ACOT13: variants seen among roughly 807,000 people sequenced by gnomAD.
The protein encoded by ACOT13 is acyl-CoA thioesterase 13.
Under a neutral mutation model 11.8 loss-of-function variants are expected in ACOT13, and 10 were observed. The observed-to-expected ratio is 0.85, with a 90% CI of 0.53 to 1.44. ACOT13 has a LOEUF of 1.44. Ranked by LOEUF, ACOT13 falls within the 40% of genes most tolerant of loss-of-function variation. The pLI, the probability that ACOT13 is intolerant of heterozygous loss-of-function variation, is 0.00. For missense variants in ACOT13, 172 were observed against 174.1 expected (o/e 0.99, Z 0.07); for synonymous variants, 53 against 61.0 (o/e 0.87, Z 0.61).
At chr6:24,682,572 C>T (rs1396361131) in intron 1 of ACOT13, among the ~76,000 whole-genome samples, 1 of 152,160 alleles carries the variant, frequency 6.6e-6, no homozygotes, top group Non-Finnish European at 1.5e-5. Context: ...AATGGCAAGC[C>T]TTTAGCCTGA....
chr6:24,670,325 C>T (rs950477169), intron 1 of ACOT13, among the ~76,000 whole-genome samples: 8 of 152,192 alleles, frequency 5.3e-5, no homozygotes, highest in Admixed American at 5.2e-4. Context: ...TTTGTACCAT[C>T]AAATACCTAT....
rs756277636 is a variant in ACOT13 at position 24,697,937 on chromosome 6, G to A, written c.136G>A (p.Glu46Lys). The change falls in exon 2 of 3, where the codon GAA (glutamate) becomes AAA (lysine). Residue 46 changes from glutamate to lysine, a missense_variant. Coordinates refer to ENST00000230048, the MANE Select transcript of ACOT13 (RefSeq NM_018473.4). Reference sequence around the variant, plus strand: ...AGTGATTTGTGAAATGAAAGTAGAAGAAGAGCATACCAATGCAATAGGCAC... The same window carrying A: ...AGTGATTTGTGAAATGAAAGTAGAAAAAGAGCATACCAATGCAATAGGCAC... ...GKVICEMKVE[E>K]EHTNAIGTLH... 1 of 1,613,086 alleles carries A rather than the reference G, an allele frequency of 6.2e-7. No individual in the cohort carries two copies. Among genetic ancestry groups the A allele is most frequent in the Non-Finnish European group, 8.5e-7 (1 of 1,179,630 alleles).
chr6:24,694,294 C>T (rs1042410092), intron 1 of ACOT13, among the ~76,000 whole-genome samples: 1 of 152,146 alleles, frequency 6.6e-6, no homozygotes, highest in African/African-American at 2.4e-5. Flanking sequence ...TAAAAGCCTC[C>T]ATACCATCTT....
chr6:24,683,414 G>A (rs1778583409), intron 1 of ACOT13, among the ~76,000 whole-genome samples: 1 of 152,102 alleles, frequency 6.6e-6, no homozygotes, highest in African/African-American at 2.4e-5. Context: ...GCAAATGCCT[G>A]TAATCCCAGC....
In ACOT13 at chr6:24,704,541, A is replaced by G. The variant is rs1277666799; in HGVS notation, c.*2926A>G. The G allele has an allele frequency of 2.0e-5, 3 of 152,364 alleles. No homozygotes were observed. In the East Asian group the frequency reaches 5.8e-4, roughly 29 times the overall value. The allele number at this position is 152,364 out of a possible 1,614,324, so 9.4% of individuals were successfully genotyped here. On this transcript the variant is annotated 3_prime_UTR_variant, in exon 3 of 3. Coordinates refer to ENST00000230048, the MANE Select transcript of ACOT13 (RefSeq NM_018473.4). The stretch of plus-strand genomic sequence containing the variant: ...TTCCACCAAAGGTTGAGAGGTTAAG[A>G]CAAGAGCTTAGAAGAGTACCTGGTT...
chr6:24,680,046 G>T (rs1286703788), intron 1 of ACOT13, among the ~76,000 whole-genome samples: 1 of 152,090 alleles, frequency 6.6e-6, no homozygotes, highest in Non-Finnish European at 1.5e-5. Context: ...TAAAAGGGGG[G>T]TCCCTTATTA....
intron 1 of ACOT13, among the ~76,000 whole-genome samples, chr6:24,679,352 T>C (rs1352687766): frequency 2.6e-5 from 4 of 152,202 alleles, no homozygotes; most frequent in Non-Finnish European, 5.9e-5. Flanking sequence ...TTGAAGTTTT[T>C]TTCTAATGTC....
At chr6:24,693,006 G>A (rs1431669034) in intron 1 of ACOT13, among the ~76,000 whole-genome samples, 1 of 152,130 alleles carries the variant, frequency 6.6e-6, no homozygotes, top group Non-Finnish European at 1.5e-5. Context: ...TGTGTTTGTT[G>A]CTGTTGCTAC....
chr6:24,667,332 A>G lies in ACOT13; in HGVS notation c.69A>G (p.Arg23=). Residue 23 remains arginine, a synonymous_variant, in exon 1 of 3, where the codon AGA becomes AGG. Transcript: ENST00000230048. ...KAMTKARNFE[R]VLGKITLVSA... is the part of the protein sequence containing the mutation. ...TGACCAAGGCTCGCAATTTTGAGAG[A>G]GTTTTGGGAAAGGTATGGGAAAGGT... 1 of 1,614,096 alleles carries G rather than the reference A, an allele frequency of 6.2e-7. No individual in the cohort carries two copies. The highest frequency in any genetic ancestry group is 8.5e-7 in the Non-Finnish European group (1 of 1,179,998).
At chr6:24,679,917 T>C (rs1273100385) in intron 1 of ACOT13, among the ~76,000 whole-genome samples, 1 of 152,224 alleles carries the variant, frequency 6.6e-6, no homozygotes, top group Non-Finnish European at 1.5e-5. Flanking sequence ...AAAAGGTACA[T>C]GCACTCTGGC....
At chr6:24,689,446 A>AC (rs565622391) in intron 1 of ACOT13, among the ~76,000 whole-genome samples, 48 of 152,270 alleles carry the variant, frequency 3.2e-4, no homozygotes, top group Admixed American at 7.2e-4. Flanking sequence ...AAATAGAGAG[A>AC]CCCCATCTCT....
chr6:24,686,046 A>G (rs962629155), intron 1 of ACOT13, among the ~76,000 whole-genome samples: 1 of 150,040 alleles, frequency 6.7e-6, no homozygotes, highest in Non-Finnish European at 1.5e-5. Context: ...AAAAAAAGGA[A>G]AAAAAAAAAG....
chr6:24,694,974 G>C (rs1778772209), intron 1 of ACOT13, among the ~76,000 whole-genome samples: 1 of 152,116 alleles, frequency 6.6e-6, no homozygotes, highest in Non-Finnish European at 1.5e-5. Flanking sequence ...TAATCAAATG[G>C]AACTTTAAGA....
chr6:24,690,625 T>C (rs1778705414), intron 1 of ACOT13, among the ~76,000 whole-genome samples: 1 of 152,234 alleles, frequency 6.6e-6, no homozygotes, highest in South Asian at 2.1e-4. Flanking sequence ...ACTATCTCAG[T>C]GAACAAAAAG....
intron 1 of ACOT13, among the ~76,000 whole-genome samples, chr6:24,675,764 G>A (rs1253303995): frequency 1.3e-5 from 2 of 152,120 alleles, no homozygotes; most frequent in Non-Finnish European, 2.9e-5. Flanking sequence ...TTTGGCTTTT[G>A]TTGCCATTGC....
Position 24,667,295 on chromosome 6 carries a change from T to C in ACOT13, c.32T>C (p.Val11Ala). The C allele has an allele frequency of 6.2e-7, 1 of 1,613,872 alleles. No individual in the cohort carries two copies. Residue 11 changes from valine to alanine, a missense_variant, in exon 1 of 3, where the codon GTG (valine) becomes GCG (alanine). Physicochemically the swap from Val to Ala is moderately conservative, Grantham distance 64 (BLOSUM62 0). Coordinates refer to ENST00000230048, the MANE Select transcript of ACOT13 (RefSeq NM_018473.4). ...AGCATGACTCAGTCTCTGCGGGAGG[T>C]GATAAAGGCCATGACCAAGGCTCGC... MTSMTQSLRE[V>A]IKAMTKARNF...
chr6:24,672,190 TAACTC>T (rs1227907733), intron 1 of ACOT13, among the ~76,000 whole-genome samples: 3 of 152,224 alleles, frequency 2.0e-5, no homozygotes, highest in African/African-American at 7.2e-5. Context: ...ACCAAAGTGA[TAACTC>T]AAGGATTTCA....
At position 24,701,836 on chromosome 6, in the gene ACOT13, C is replaced by A; in HGVS notation, c.*221C>A. ...ATGTGTGATAATTGGGTGAAAAATT[C>A]TTAGCTCAAAGTGTTTTAAAAACAG... On this transcript the variant is annotated 3_prime_UTR_variant, in exon 3 of 3. Transcript: ENST00000230048. 1 of 435,068 alleles carries A rather than the reference C, an allele frequency of 2.3e-6. No homozygotes were observed. Among genetic ancestry groups the A allele is most frequent in the East Asian group, 3.7e-5 (1 of 27,082 alleles). The allele number at this position is 435,068 out of a possible 1,614,324, so 27.0% of individuals were successfully genotyped here. A position where few individuals can be genotyped will look rare whatever the true frequency, so the allele number is the denominator to read the frequency against.
chr6:24,672,910 C>T (rs1277142855), intron 1 of ACOT13, among the ~76,000 whole-genome samples: 2 of 152,106 alleles, frequency 1.3e-5, no homozygotes, highest in Non-Finnish European at 1.5e-5. Context: ...AATTTCTGGC[C>T]GTGTATCTCA....
Sources: allele counts gnomAD v4.1 joint callset (sites outside exome capture counted in the v4.1 genomes callset), GRCh38; gene constraint gnomAD v4.1.1; transcripts MANE v1.5; gene names NCBI Gene and HGNC (gene_info 2026-07-23, HGNC 2026-07-21).